Variants in MOB2 observed in about 807,000 individuals in gnomAD.
The protein encoded by MOB2 is MOB kinase activator 2.
A neutral mutation model predicts 27.4 loss-of-function variants in MOB2; 14 were observed. The ratio of observed to expected loss-of-function variants is 0.51; its 90% CI spans 0.34 to 0.80. MOB2 has a LOEUF of 0.80. Among genes scored for constraint, MOB2 ranks in the 30% least tolerant of loss-of-function variants. The pLI is 0.01. For synonymous variants in MOB2, 167 were observed against 151.8 expected, an observed-to-expected ratio of 1.10 and a Z score of -0.74; for missense variants, 304 against 354.6, an observed-to-expected ratio of 0.86 and a Z score of 1.15.
chr11:1,470,361 C>G lies in MOB2; in HGVS notation c.618G>C (p.Leu206Phe). 1.9e-6 allele frequency: 3 copies of G among 1,613,646 alleles called. No individual in the cohort carries two copies. Among genetic ancestry groups the G allele is most frequent in the Non-Finnish European group, 2.5e-6 (3 of 1,179,902 alleles). The part of the protein sequence containing the change: ...ETLALELHGH[L>F]NTLYVHFILF... The stretch of plus-strand genomic sequence containing the variant: ...GGATGAAGTGGACGTAGAGCGTGTT[C>G]AAGTGTCCGTGCAGCTCCAGGGCCA... Residue 206 changes from leucine (L) to phenylalanine (F), a missense_variant, in exon 5 of 5, where the codon TTG becomes TTC. By Grantham distance (22) the Leu-to-Phe change is conservative. Transcript: ENST00000329957.
intron 3 of MOB2, 102 bp downstream of exon 3, chr11:1,480,291 G>C: frequency 9.2e-7 from 1 of 1,081,214 alleles, no homozygotes. Flanking sequence ...AGGGTCTCCA[G>C]GTGAGAACGG....
chr11:1,476,434 C>G (rs1847853250), intron 3 of MOB2, among the ~76,000 whole-genome samples: 1 of 152,174 alleles, frequency 6.6e-6, no homozygotes, highest in Non-Finnish European at 1.5e-5. Flanking sequence ...TCCACTGGGT[C>G]TACAGTGATA....
In MOB2 at chr11:1,469,559, G is replaced by T. The variant is rs567518534; in HGVS notation, c.*613C>A. The T allele has an allele frequency of 2.2e-6, 1 of 456,588 alleles. No homozygotes were observed. Among genetic ancestry groups the T allele is most frequent in the Non-Finnish European group, 4.4e-6 (1 of 226,976 alleles). 28.3% of individuals were successfully genotyped at this position (456,588 alleles called of 1,614,324 possible). ...CATCTCCACGCAGGGCCTCAGCCCC[G>T]TCCTGGCCTTGCCTGAGGACTGCAC... is the stretch of plus-strand genomic sequence containing the variant. On this transcript the variant is annotated 3_prime_UTR_variant, in exon 5 of 5. Transcript: ENST00000329957.
At position 1,469,646 on chromosome 11, in the gene MOB2, G is replaced by A. The variant is rs1847753012; in HGVS notation, c.*526C>T. 2.2e-6 allele frequency: 1 copy of A among 457,014 alleles called. No homozygotes were observed. Among genetic ancestry groups the A allele is most frequent in the Admixed American group, 2.3e-5 (1 of 42,576 alleles). The allele number at this position is 457,014 out of a possible 1,614,324, so 28.3% of individuals were successfully genotyped here. A position where few individuals can be genotyped will look rare whatever the true frequency, so the allele number is the denominator to read the frequency against. ...AGGGGTGACAGGAGCAGGAGCAGGT[G>A]CAGGGCACCTCACACCACAGGCCTC... is the stretch of plus-strand genomic sequence containing the variant. On this transcript the variant is annotated 3_prime_UTR_variant, in exon 5 of 5. Transcript: ENST00000329957.
intron 1 of MOB2, among the ~76,000 whole-genome samples, chr11:1,482,915 G>A (rs1847931074): frequency 6.6e-6 from 1 of 152,160 alleles, no homozygotes; most frequent in Non-Finnish European, 1.5e-5. Flanking sequence ...TTCCCAGAAG[G>A]GCAGGCTCTC....
rs1214753355 is a variant in MOB2 at position 1,486,730 on chromosome 11, G to A, written c.-174C>T. 4 of 592,588 alleles carry A rather than the reference G, an allele frequency of 6.8e-6. No homozygotes were observed. Among genetic ancestry groups the A allele is most frequent in the East Asian group, 5.7e-5 (2 of 35,136 alleles). The allele number at this position is 592,588 out of a possible 1,614,324, so 36.7% of individuals were successfully genotyped here. A position where few individuals can be genotyped will look rare whatever the true frequency, so the allele number is the denominator to read the frequency against. On this transcript the variant is annotated 5_prime_UTR_variant, in exon 1 of 5. Transcript: ENST00000329957. ...AAGGGCTGGCCAAGGCTGGTGAAACGAGGGAGCGTCTGAATTGGCCTTTTC... is the reference window on the plus strand; with the variant it reads ...AAGGGCTGGCCAAGGCTGGTGAAACAAGGGAGCGTCTGAATTGGCCTTTTC...
In MOB2 at chr11:1,470,216, C is replaced by T. The variant is rs773189404; in HGVS notation, c.763G>A (p.Gly255Ser). ...VHSGGSGDGAGSGGPGAQNHV... is the reference protein window; with the variant it reads ...VHSGGSGDGASSGGPGAQNHV... ...TTCTGTGCTCCCGGGCCCCCGCTGC[C>T]GGCCCCATCCCCACTGCCCCCACTG... The change falls in exon 5 of 5, where the codon GGC becomes AGC. Residue 255 changes from glycine to serine, a missense_variant. Transcript: ENST00000329957. The T allele has an allele frequency of 3.5e-5, 57 of 1,611,702 alleles. No homozygotes were observed. The highest frequency in any genetic ancestry group is 1.5e-4 in the Admixed American group (9 of 59,912).
chr11:1,477,485 C>T (rs1026992086), intron 3 of MOB2, among the ~76,000 whole-genome samples: 8 of 152,172 alleles, frequency 5.3e-5, no homozygotes, highest in African/African-American at 1.9e-4. Context: ...ACCCCAGACG[C>T]AAGGGTATCT....
chr11:1,470,555 C>A, intron 4 of MOB2, 67 bp from the exon 5 acceptor site: 1 of 1,526,112 alleles, frequency 6.6e-7, no homozygotes. Flanking sequence ...AGGCCCCTGG[C>A]ACCCAGCCTG....
intron 1 of MOB2, among the ~76,000 whole-genome samples, chr11:1,484,811 G>A: frequency 6.6e-6 from 1 of 152,188 alleles, no homozygotes; most frequent in Non-Finnish European, 1.5e-5. Context: ...CGGAGCCCCT[G>A]TCCATCTCTC....
intron 1 of MOB2, among the ~76,000 whole-genome samples, chr11:1,486,055 C>A (rs902959375): frequency 6.6e-6 from 1 of 152,260 alleles, no homozygotes; most frequent in Admixed American, 6.5e-5. Flanking sequence ...GACAGGCACA[C>A]CTGCTGGCGG....
At chr11:1,483,864 C>T (rs569183942) in intron 1 of MOB2, among the ~76,000 whole-genome samples, 1 of 152,320 alleles carries the variant, frequency 6.6e-6, no homozygotes, top group African/African-American at 2.4e-5. Flanking sequence ...CACAGGGAGG[C>T]ATCAGAGCTG....
At chr11:1,483,643 A>G (rs1273186204) in intron 1 of MOB2, among the ~76,000 whole-genome samples, 1 of 152,230 alleles carries the variant, frequency 6.6e-6, no homozygotes, top group Non-Finnish European at 1.5e-5. Flanking sequence ...TGTGGGCACC[A>G]GCTGCTGCTC....
rs150457829 is a variant in MOB2, at chr11:1,478,723, C to T, written c.365+1670G>A. 2.1e-4 allele frequency among the ~76,000 whole-genome samples: 32 copies of T among 152,332 alleles called. No homozygotes were observed. The East Asian group carries it at 6.0e-3, about 28-fold the overall frequency. ...CAGGTTTGTGTCTTTGTGGGAAGTT[C>T]TCAGCCATTATTGCTGCAATGTGTT... On this transcript the variant is annotated intron_variant, in intron 3 of 4. Transcript: ENST00000329957.
In MOB2 at chr11:1,469,486, T is replaced by C; in HGVS notation, c.*686A>G. The C allele has an allele frequency of 2.3e-6, 1 of 441,860 alleles. No individual in the cohort carries two copies. The highest frequency in any genetic ancestry group is 4.6e-6 in the Non-Finnish European group (1 of 217,196). The allele number at this position is 441,860 out of a possible 1,614,324, so 27.4% of individuals were successfully genotyped here. On this transcript the variant is annotated 3_prime_UTR_variant, in exon 5 of 5. Coordinates refer to ENST00000329957, the MANE Select transcript of MOB2 (RefSeq NM_001172223.3). ...CTGAGAGAATTCTTTTTATTACGAGTGAACAGATGAACTAAGGTAAGCGGG... is the reference window on the plus strand; with the variant it reads ...CTGAGAGAATTCTTTTTATTACGAGCGAACAGATGAACTAAGGTAAGCGGG...
intron 1 of MOB2, chr11:1,481,290 G>A: frequency 3.6e-6 from 1 of 276,836 alleles, no homozygotes; most frequent in South Asian, 3.1e-5. Flanking sequence ...CTTTTGAGTT[G>A]GCCAGCCTGT....
chr11:1,485,960 C>G (rs762608522), intron 1 of MOB2, among the ~76,000 whole-genome samples: 4 of 151,744 alleles, frequency 2.6e-5, no homozygotes, highest in African/African-American at 4.8e-5. Context: ...CTGGACAAGG[C>G]CACACAAGGA....
intron 3 of MOB2, chr11:1,471,716 G>T (rs997468299): frequency 1.6e-5 from 5 of 316,754 alleles, no homozygotes; most frequent in African/African-American, 8.5e-5. Context: ...GGTCATCTTC[G>T]TTTTCTCCGC....
intron 3 of MOB2, among the ~76,000 whole-genome samples, chr11:1,473,961 G>A (rs891078338): frequency 1.5e-5 from 1 of 65,618 alleles, no homozygotes; most frequent in East Asian, 1.0e-3. Flanking sequence ...ATGCAGTCAC[G>A]TGGCAGACGT....
Sources: gnomAD v4.1 joint callset for allele counts (sites outside exome capture counted in the v4.1 genomes callset) on GRCh38, gnomAD v4.1.1 for gene constraint, MANE v1.5 for transcripts, NCBI Gene and HGNC (gene_info 2026-07-23, HGNC 2026-07-21) for gene names.